The following SPATA33 variants were observed in gnomAD, a reference collection of about 807,000 sequenced individuals.
SPATA33 encodes the protein spermatogenesis associated 33.
A neutral mutation model predicts 8.9 loss-of-function variants in SPATA33; 10 were observed. That is an observed-to-expected ratio of 1.12 (90% CI 0.69 to 1.90). The LOEUF (loss-of-function observed/expected upper bound fraction) is 1.90, where lower values mean the gene tolerates loss of function less well. Among genes scored for constraint, SPATA33 ranks in the 40% most tolerant of loss-of-function variants. The probability of loss-of-function intolerance (pLI) is 0.00; values close to 1 mark genes in which losing one functional copy is unlikely to be tolerated. For synonymous variants in SPATA33, 96 were observed against 72.8 expected (o/e 1.32, Z -1.63); for missense variants, 241 against 178.3 (o/e 1.35, Z -2.00).
chr16:89,667,010 T>A (rs1381046146), intron 2 of SPATA33, among the ~76,000 whole-genome samples: 1 of 152,168 alleles, frequency 6.6e-6, no homozygotes, highest in African/African-American at 2.4e-5. Flanking sequence ...GGCCTCTGGA[T>A]AACTGCGGGC....
At chr16:89,660,596 G>C in intron 2 of SPATA33, 2 of 1,213,348 alleles carry the variant, frequency 1.6e-6, no homozygotes, top group African/African-American at 1.6e-5. Context: ...ACACCGTGAA[G>C]GAGTCCCAAA....
intron 2 of SPATA33, among the ~76,000 whole-genome samples, chr16:89,665,764 G>C (rs1350912285): frequency 3.3e-5 from 5 of 152,070 alleles, no homozygotes; most frequent in Non-Finnish European, 5.9e-5. Flanking sequence ...AATATGAGCA[G>C]ATTATTCAAA....
intron 2 of SPATA33, among the ~76,000 whole-genome samples, chr16:89,662,973 T>C (rs2059982573): frequency 6.6e-6 from 1 of 150,754 alleles, no homozygotes; most frequent in African/African-American, 2.4e-5. Flanking sequence ...TTTGTATTTT[T>C]AGTAGAGACG....
intron 2 of SPATA33, among the ~76,000 whole-genome samples, chr16:89,662,636 A>C (rs1427595421): frequency 6.6e-6 from 1 of 152,110 alleles, no homozygotes; most frequent in Non-Finnish European, 1.5e-5. Context: ...CACGTTGGCT[A>C]GGCTGGCCTC....
rs1231161439 is a variant in SPATA33 at position 89,669,772 on chromosome 16, C to G, written c.*275C>G. ...CCCCCGCCGTGAGAAACTGCAGTCC[C>G]CTTCTCCAGTGCTCTCGGGGAGGGT... On this transcript the variant is annotated 3_prime_UTR_variant, in exon 3 of 3. Transcript: ENST00000579310. 3 of 499,306 alleles carry G rather than the reference C, an allele frequency of 6.0e-6. No individual in the cohort carries two copies. Among genetic ancestry groups the G allele is most frequent in the Non-Finnish European group, 1.1e-5 (3 of 275,816 alleles). 30.9% of individuals were successfully genotyped at this position (499,306 alleles called of 1,614,324 possible).
chr16:89,665,994 T>C (rs949066951), intron 2 of SPATA33, among the ~76,000 whole-genome samples: 1 of 152,054 alleles, frequency 6.6e-6, no homozygotes, highest in South Asian at 2.1e-4. Context: ...GGCAGGAGAA[T>C]CACTTGAACC....
At chr16:89,665,430 G>A (rs376219291) in intron 2 of SPATA33, among the ~76,000 whole-genome samples, 9 of 151,358 alleles carry the variant, frequency 5.9e-5, no homozygotes, top group South Asian at 4.2e-4. Flanking sequence ...TCAGCCTCCC[G>A]CATAGCTGGG....
chr16:89,669,018 G>A (rs1233950531), intron 2 of SPATA33, among the ~76,000 whole-genome samples: 1 of 152,068 alleles, frequency 6.6e-6, no homozygotes, highest in African/African-American at 2.4e-5. Context: ...TGGTCGCCCT[G>A]ACACCATCCT....
Position 89,658,318 on chromosome 16 carries a change from C to T in SPATA33, c.108C>T (p.Ser36=), listed in dbSNP as rs1410187028. ...KSKEKLMEKH[S]QEARQADRES... ...AGGAGAAGTTGATGGAGAAGCATTCCCAGGAAGCCAGGCAGGCAGACAGGG... is the reference window on the plus strand; with the variant it reads ...AGGAGAAGTTGATGGAGAAGCATTCTCAGGAAGCCAGGCAGGCAGACAGGG... Residue 36 remains serine, a synonymous_variant, in exon 2 of 3, where the codon TCC becomes TCT. Coordinates refer to ENST00000579310, the MANE Select transcript of SPATA33 (RefSeq NM_001271907.2). The T allele has an allele frequency of 6.2e-7, 1 of 1,614,088 alleles. No individual in the cohort carries two copies.
intron 2 of SPATA33, chr16:89,660,699 A>T: frequency 1.3e-6 from 1 of 755,670 alleles, no homozygotes; most frequent in Non-Finnish European, 1.8e-6. Flanking sequence ...ATTTACAGAG[A>T]GAAGCAGATG....
At chr16:89,664,328 G>A (rs534409850) in intron 2 of SPATA33, among the ~76,000 whole-genome samples, 6 of 135,840 alleles carry the variant, frequency 4.4e-5, no homozygotes, top group Admixed American at 2.4e-4. Flanking sequence ...CCTGGAAGGC[G>A]GTTTGGTAAC....
intron 2 of SPATA33, chr16:89,660,321 A>C: frequency 2.1e-6 from 1 of 484,584 alleles, no homozygotes; most frequent in Non-Finnish European, 3.3e-6. Flanking sequence ...AATGGTGCAA[A>C]TTCACCAGGG....
chr16:89,662,376 G>T (rs559303573), intron 2 of SPATA33, among the ~76,000 whole-genome samples: 1 of 151,236 alleles, frequency 6.6e-6, no homozygotes, highest in Admixed American at 6.6e-5. Context: ...CTCTATAGGT[G>T]CAGGTGCTCA....
Position 89,668,407 on chromosome 16 carries a change from A to C in SPATA33, c.212-879A>C, listed in dbSNP as rs539777427. ...GGTTCGTGAGCTACCAAGTGTCCCCACAAAGCTGTAAAACAACATGACCAC... is the reference window on the plus strand; with the variant it reads ...GGTTCGTGAGCTACCAAGTGTCCCCCCAAAGCTGTAAAACAACATGACCAC... On this transcript the variant is annotated intron_variant, in intron 2 of 2. Coordinates refer to ENST00000579310, the MANE Select transcript of SPATA33 (RefSeq NM_001271907.2). Among the ~76,000 whole-genome samples the C allele has an allele frequency of 5.1e-4, 78 of 152,382 alleles. No homozygotes were observed. In the South Asian group the frequency reaches 0.015, roughly 30 times the overall value.
intron 2 of SPATA33, chr16:89,660,642 C>G: frequency 1.0e-6 from 1 of 985,670 alleles, no homozygotes; most frequent in East Asian, 3.3e-5. Context: ...AGAGGAAAGA[C>G]CACTCATGTT....
At chr16:89,667,483 C>T (rs192702929) in intron 2 of SPATA33, among the ~76,000 whole-genome samples, 283 of 152,200 alleles carry the variant, frequency 1.9e-3, no homozygotes, top group Non-Finnish European at 2.7e-3. Flanking sequence ...ACAGCTCGTG[C>T]CCTCGGTCTC....
At chr16:89,661,108 TG>T (rs1185261291) in intron 2 of SPATA33, 1 of 985,394 alleles carries the variant, frequency 1.0e-6, no homozygotes, top group Non-Finnish European at 1.2e-6. Flanking sequence ...TGCTGAGGTT[TG>T]GGGTAAGTTA....
intron 2 of SPATA33, among the ~76,000 whole-genome samples, chr16:89,663,401 T>A (rs573596217): frequency 6.6e-6 from 1 of 151,680 alleles, no homozygotes; most frequent in East Asian, 2.0e-4. Flanking sequence ...TTAGTAGCGA[T>A]GGGGTTTCTC....
rs370084600 is a variant in SPATA33, at chr16:89,669,400, A to G, written c.326A>G (p.Gln109Arg). The G allele has an allele frequency of 4.3e-6, 7 of 1,614,202 alleles. No individual in the cohort carries two copies. Among genetic ancestry groups the G allele is most frequent in the East Asian group, 2.2e-5 (1 of 44,890 alleles). Residue 109 changes from glutamine to arginine, a missense_variant, in exon 3 of 3, where the codon CAG becomes CGG. By Grantham distance (43) the Gln-to-Arg change is conservative. Transcript: ENST00000579310. ...LVSCSSSGSD[Q>R]QRTIREPEDW... The stretch of plus-strand genomic sequence containing the variant: ...AGTTGCAGTTCCAGCGGGAGTGACC[A>G]GCAGAGAACCATTCGGGAGCCGGAG...
Sources: gnomAD v4.1 joint callset for allele counts (sites outside exome capture counted in the v4.1 genomes callset) on GRCh38, gnomAD v4.1.1 for gene constraint, MANE v1.5 for transcripts, NCBI Gene and HGNC (gene_info 2026-07-23, HGNC 2026-07-21) for gene names.